The following DMKN variants were observed in gnomAD, a reference collection of about 807,000 sequenced individuals.
DMKN encodes epidermis-specific secreted protein SK30/SK89.
Under a neutral mutation model 67.6 loss-of-function variants are expected in DMKN, and 58 were observed. The observed-to-expected ratio is 0.86, with a 90% CI of 0.69 to 1.07. The LOEUF (loss-of-function observed/expected upper bound fraction) is 1.07, where lower values mean the gene tolerates loss of function less well. Ranked by LOEUF, DMKN falls within the 50% of genes least tolerant of loss-of-function variation. DMKN has a pLI of 0.00. For missense variants in DMKN, 596 were observed against 601.5 expected, an observed-to-expected ratio of 0.99 and a Z score of 0.10; for synonymous variants, 240 against 232.3, an observed-to-expected ratio of 1.03 and a Z score of -0.30.
chr19:35,499,381 G>C, intron 13 of DMKN: 1 of 186,120 alleles, frequency 5.4e-6, no homozygotes, highest in Non-Finnish European at 1.1e-5. Context: ...TGCTTTGTCA[G>C]CCAAATTTGT....
intron 7 of DMKN, chr19:35,508,354 T>C: frequency 7.8e-7 from 1 of 1,287,114 alleles, no homozygotes; most frequent in Non-Finnish European, 1.1e-6. Context: ...GCACTCTCTT[T>C]TGGAACTGGT....
In DMKN at chr19:35,500,418, G is replaced by A. The variant is rs1008540898; in HGVS notation, c.1287+115C>T. 58 of 1,552,338 alleles carry A rather than the reference G, an allele frequency of 3.7e-5. No individual in the cohort carries two copies. In the East Asian group the frequency reaches 5.6e-4, roughly 15 times the overall value. Reference sequence around the variant, plus strand: ...TGCCACCTCCTGCCATCCTGCACCCGGCTGAGAAAGCCATTGAATGGAGGA... The same window carrying A: ...TGCCACCTCCTGCCATCCTGCACCCAGCTGAGAAAGCCATTGAATGGAGGA... On this transcript the variant is annotated intron_variant, in intron 12 of 15. Transcript: ENST00000339686.
intron 7 of DMKN, chr19:35,507,168 G>T (rs1424314575): frequency 1.7e-5 from 5 of 289,352 alleles, no homozygotes; most frequent in South Asian, 1.2e-4. Context: ...TCTCAACACT[G>T]CCTCCCTAAG....
chr19:35,502,835 A>C lies in DMKN; in HGVS notation c.1186T>G (p.Trp396Gly). 6.2e-7 allele frequency: 1 copy of C among 1,614,116 alleles called. No individual in the cohort carries two copies. Among genetic ancestry groups the C allele is most frequent in the Non-Finnish European group, 8.5e-7 (1 of 1,180,006 alleles). The part of the protein sequence containing the change: ...TRALLYFSRL[W>G]EDFKQNTPFL... Reference sequence around the variant, plus strand: ...AACAGCAAGAATTCTCCTACCTCCCAGAGTCGGCTGAAGTAGAGGAGGGCT... The same window carrying C: ...AACAGCAAGAATTCTCCTACCTCCCCGAGTCGGCTGAAGTAGAGGAGGGCT... The change falls in exon 10 of 16, where the codon TGG becomes GGG. Residue 396 changes from tryptophan (W) to glycine (G), a missense_variant. Physicochemically the swap from Trp to Gly is radical, Grantham distance 184. Transcript: ENST00000339686.
At chr19:35,510,736 A>G (rs940676337) in intron 5 of DMKN, among the ~76,000 whole-genome samples, 3 of 151,922 alleles carry the variant, frequency 2.0e-5, no homozygotes, top group Non-Finnish European at 4.4e-5. Context: ...CCTGTCTGAC[A>G]CTTTTCCCGA....
Position 35,513,272 on chromosome 19 carries a change from A to T in DMKN, c.204T>A (p.Ser68Arg), listed in dbSNP as rs764191741. The T allele has an allele frequency of 1.2e-6, 2 of 1,613,852 alleles. No individual in the cohort carries two copies. The highest frequency in any genetic ancestry group is 8.5e-7 in the Non-Finnish European group (1 of 1,179,858). Residue 68 changes from serine (S) to arginine (R), a missense_variant, in exon 1 of 16, where the codon AGT (serine) becomes AGA (arginine). Physicochemically the swap from Ser to Arg is moderately radical, Grantham distance 110. Coordinates refer to ENST00000339686, the MANE Select transcript of DMKN (RefSeq NM_033317.5). ...CTCTGGTCCCTTGGCCAAGGGCCTC[A>T]CTGACTTTAGAGCCAGCTGCCCCTC... ...EAGGAAGSKV[S>R]EALGQGTREA...
chr19:35,506,290 T>G (rs2069502879), intron 7 of DMKN: 1 of 1,160,718 alleles, frequency 8.6e-7, no homozygotes, highest in Non-Finnish European at 1.2e-6. Flanking sequence ...CGGTCCAGGC[T>G]TCCTGTCCTC....
At chr19:35,504,434 G>A (rs1394818939) in intron 9 of DMKN, among the ~76,000 whole-genome samples, 3 of 151,862 alleles carry the variant, frequency 2.0e-5, no homozygotes, top group Non-Finnish European at 4.4e-5. Context: ...AACATTACCC[G>A]GGTGTGGTGG....
At position 35,512,621 on chromosome 19, in the gene DMKN, C is replaced by T; in HGVS notation, c.596G>A (p.Gly199Glu). 6.2e-7 allele frequency: 1 copy of T among 1,614,138 alleles called. No homozygotes were observed. Among genetic ancestry groups the T allele is most frequent in the Non-Finnish European group, 8.5e-7 (1 of 1,180,004 alleles). Reference sequence around the variant, plus strand: ...GTTGGTCCCAAAGTTTGGTGGCCCTCCATTGCCTCCTTGACCCCAGGGAGC... The same window carrying T: ...GTTGGTCCCAAAGTTTGGTGGCCCTTCATTGCCTCCTTGACCCCAGGGAGC... ...QGAPWGQGGN[G>E]GPPNFGTNTQ... Residue 199 changes from glycine to glutamate, a missense_variant, in exon 2 of 16, where the codon GGA becomes GAA. Gly to Glu is a moderately conservative substitution (Grantham distance 98). Coordinates refer to ENST00000339686, the MANE Select transcript of DMKN (RefSeq NM_033317.5).
At chr19:35,500,051 C>T (rs188696848) in intron 12 of DMKN, 22 bp from the exon 13 acceptor site, 35 of 1,613,846 alleles carry the variant, frequency 2.2e-5, no homozygotes, top group Middle Eastern at 1.6e-4. Flanking sequence ...GTGGGCATGG[C>T]GGTTAGAACA....
chr19:35,511,891 C>T, intron 3 of DMKN, 78 bp from the exon 4 acceptor site: 1 of 1,462,196 alleles, frequency 6.8e-7, no homozygotes, highest in Middle Eastern at 1.8e-4. Context: ...ACAGGCCAGG[C>T]CTCTCCCATT....
At position 35,511,426 on chromosome 19, in the gene DMKN, G is replaced by A; in HGVS notation, c.903C>T (p.Gly301=). 6.3e-7 allele frequency: 1 copy of A among 1,589,494 alleles called. No homozygotes were observed. The highest frequency in any genetic ancestry group is 2.4e-5 in the East Asian group (1 of 41,466). The stretch of plus-strand genomic sequence containing the variant: ...CCAAACTCACCCAGGAGGACTCACT[G>A]CCGCTGTCACCTCTGCTGCCACCAC... ...GNSGGSRGDS[G]SESSWGSSTG... Residue 301 remains glycine, a synonymous_variant, in exon 5 of 16, where the codon GGC becomes GGT. Transcript: ENST00000339686.
intron 13 of DMKN, 173 bp from the exon 14 acceptor site, chr19:35,499,070 T>A (rs2293693): frequency 0.53 from 434,105 of 821,610 alleles, 118,953 homozygotes; most frequent in African/African-American, 0.8. Flanking sequence ...TCACAGCACG[T>A]TTATCATCCT....
intron 11 of DMKN, chr19:35,501,664 A>T: frequency 1.5e-6 from 1 of 683,394 alleles, no homozygotes; most frequent in Non-Finnish European, 2.3e-6. Flanking sequence ...TCCCTGACCC[A>T]GGTCTTCAGA....
At chr19:35,509,683 G>T in intron 7 of DMKN, 1 of 513,502 alleles carries the variant, frequency 1.9e-6, no homozygotes, top group Non-Finnish European at 3.4e-6. Flanking sequence ...ATTTCTCCCA[G>T]CCCCATCTGT....
At chr19:35,505,066 A>G (rs76784712) in intron 9 of DMKN, among the ~76,000 whole-genome samples, 330 of 151,286 alleles carry the variant, frequency 2.2e-3, no homozygotes, top group African/African-American at 7.7e-3. Context: ...CCCATCCTCC[A>G]ATCACGAATC....
At chr19:35,509,286 C>A (rs559740581) in intron 7 of DMKN, among the ~76,000 whole-genome samples, 11 of 152,092 alleles carry the variant, frequency 7.2e-5, no homozygotes, top group South Asian at 2.1e-4. Flanking sequence ...TTTAAAAAAA[C>A]CAGTTTGTTC....
At chr19:35,503,948 C>T (rs1237217907) in intron 9 of DMKN, among the ~76,000 whole-genome samples, 1 of 152,160 alleles carries the variant, frequency 6.6e-6, no homozygotes, top group Non-Finnish European at 1.5e-5. Flanking sequence ...CCTGCATCGT[C>T]AGGAACATTA....
rs202112325 is a variant in DMKN at position 35,498,923 on chromosome 19, T to C, written c.1360-26A>G. ...CTGCAAAAAGATCAAAGGAAAGTGA[T>C]GTGGGGTCATGGCCTCCCTGTACTC... On this transcript the variant is annotated intron_variant, in intron 13 of 15. Coordinates refer to ENST00000339686, the MANE Select transcript of DMKN (RefSeq NM_033317.5). 739 of 1,614,156 alleles carry C rather than the reference T, an allele frequency of 4.6e-4. 1 individual carries two copies. In the African/African-American group the frequency reaches 8.1e-3, roughly 18 times the overall value.
Sources: allele counts gnomAD v4.1 joint callset (sites outside exome capture counted in the v4.1 genomes callset), GRCh38; gene constraint gnomAD v4.1.1; transcripts MANE v1.5; gene names NCBI Gene and HGNC (gene_info 2026-07-23, HGNC 2026-07-21).